The following CABLES1 variants were observed in gnomAD, a reference collection of about 807,000 sequenced individuals.
CABLES1 encodes Cdk5 and Abl enzyme substrate 1.
CABLES1 carries 36 observed loss-of-function variants against 57.8 expected under a neutral mutation model. The observed-to-expected ratio is 0.62, with a 90% confidence interval of 0.48 to 0.82. CABLES1 has a LOEUF of 0.82. Ranked by LOEUF, CABLES1 falls within the 40% of genes least tolerant of loss-of-function variation. The pLI is 0.00. For missense variants in CABLES1, 767 were observed against 836.6 expected (o/e 0.92, Z 1.03); for synonymous variants, 374 against 363.0 (o/e 1.03, Z -0.35).
chr18:23,204,225 G>A (rs796203859), intron 3 of CABLES1, among the ~76,000 whole-genome samples: 19 of 152,304 alleles, frequency 1.2e-4, no homozygotes, highest in African/African-American at 3.6e-4. Flanking sequence ...TCCAGTTCCC[G>A]GCGGTGTGCT....
intron 1 of CABLES1, among the ~76,000 whole-genome samples, chr18:23,152,174 G>GAATTT (rs974487225): frequency 2.9e-4 from 44 of 152,050 alleles, no homozygotes; most frequent in African/African-American, 8.7e-4. Context: ...TGAGGTGGGA[G>GAATTT]AATTGCCTGA....
At chr18:23,231,022 C>T (rs1431316248) in intron 4 of CABLES1, among the ~76,000 whole-genome samples, 2 of 152,186 alleles carry the variant, frequency 1.3e-5, no homozygotes, top group Non-Finnish European at 2.9e-5. Flanking sequence ...TCATGGACCC[C>T]ATGGTCATTT....
intron 4 of CABLES1, among the ~76,000 whole-genome samples, chr18:23,225,394 C>G (rs2047520537): frequency 6.6e-6 from 1 of 152,108 alleles, no homozygotes; most frequent in Non-Finnish European, 1.5e-5. Context: ...ACCTCCTAAA[C>G]AAAGCCACCA....
chr18:23,241,085 T>C (rs532020421), intron 7 of CABLES1, among the ~76,000 whole-genome samples: 2 of 152,342 alleles, frequency 1.3e-5, no homozygotes, highest in Admixed American at 6.5e-5. Context: ...TTCTCACTTC[T>C]GTCACCATAG....
chr18:23,258,205 T>C lies in CABLES1; in HGVS notation c.*838T>C, dbSNP rs1291476055. 1 of 152,546 alleles carries C rather than the reference T, an allele frequency of 6.6e-6. No homozygotes were observed. Among genetic ancestry groups the C allele is most frequent in the Non-Finnish European group, 1.5e-5 (1 of 68,054 alleles). 9.4% of individuals were successfully genotyped at this position (152,546 alleles called of 1,614,324 possible). A position where few individuals can be genotyped will look rare whatever the true frequency, so the allele number is the denominator to read the frequency against. ...CTGCCGTCTGCCACCCCGCCACGTGTATTTAACCCTCGCACTTTCTCCACT... is the reference window on the plus strand; with the variant it reads ...CTGCCGTCTGCCACCCCGCCACGTGCATTTAACCCTCGCACTTTCTCCACT... On this transcript the variant is annotated 3_prime_UTR_variant, in exon 10 of 10. Coordinates refer to ENST00000256925, the MANE Select transcript of CABLES1 (RefSeq NM_001100619.3).
chr18:23,222,084 AAAC>A, intron 4 of CABLES1, among the ~76,000 whole-genome samples: 2 of 152,248 alleles, frequency 1.3e-5, no homozygotes, highest in Admixed American at 1.3e-4. Context: ...GCCTAACTTA[AAAC>A]CTCCTTTGTG....
intron 3 of CABLES1, among the ~76,000 whole-genome samples, chr18:23,212,580 T>G (rs533875398): frequency 2.8e-4 from 43 of 152,252 alleles, no homozygotes; most frequent in African/African-American, 1.0e-3. Context: ...GATATTCAAG[T>G]GTTGCTGCTC....
chr18:23,236,099 G>C, intron 6 of CABLES1, 48 bp downstream of exon 6: 1 of 1,586,542 alleles, frequency 6.3e-7, no homozygotes, highest in Non-Finnish European at 8.6e-7. Flanking sequence ...GGAGGGAGGT[G>C]CCTCCATTTA....
intron 7 of CABLES1, among the ~76,000 whole-genome samples, chr18:23,243,242 G>A (rs2145101621): frequency 6.6e-6 from 1 of 152,050 alleles, no homozygotes; most frequent in South Asian, 2.1e-4. Flanking sequence ...TTCTGAGGAG[G>A]GGGCCTCTTT....
intron 7 of CABLES1, among the ~76,000 whole-genome samples, chr18:23,242,383 C>G (rs918536845): frequency 6.6e-6 from 1 of 152,148 alleles, no homozygotes; most frequent in Non-Finnish European, 1.5e-5. Context: ...AATGTTGAGC[C>G]ACCTGGCTAC....
At chr18:23,219,242 C>T (rs2047468299) in intron 4 of CABLES1, 2 of 453,994 alleles carry the variant, frequency 4.4e-6, no homozygotes, top group Non-Finnish European at 8.8e-6. Flanking sequence ...CGTGCCATCC[C>T]TCTGGTCCTC....
chr18:23,195,218 A>G (rs2047273616), intron 3 of CABLES1, among the ~76,000 whole-genome samples: 1 of 152,220 alleles, frequency 6.6e-6, no homozygotes. Flanking sequence ...AAGTCCATTC[A>G]TCTCAGCTCC....
At chr18:23,164,161 C>T (rs1389738600) in intron 1 of CABLES1, among the ~76,000 whole-genome samples, 1 of 152,244 alleles carries the variant, frequency 6.6e-6, no homozygotes, top group Non-Finnish European at 1.5e-5. Flanking sequence ...CAAAATATCA[C>T]TTTCCCCTGA....
At chr18:23,253,127 A>G in intron 8 of CABLES1, 61 bp downstream of exon 8, 1 of 928,060 alleles carries the variant, frequency 1.1e-6, no homozygotes. Context: ...CACACACCGT[A>G]AGCTTGTCAT....
chr18:23,172,299 C>T (rs2047088532), intron 1 of CABLES1, among the ~76,000 whole-genome samples: 1 of 152,148 alleles, frequency 6.6e-6, no homozygotes, highest in Non-Finnish European at 1.5e-5. Flanking sequence ...TCTGCTAACC[C>T]ATCCTCCATC....
At chr18:23,206,340 C>G (rs75104061) in intron 3 of CABLES1, among the ~76,000 whole-genome samples, 5,772 of 152,368 alleles carry the variant, frequency 0.038, 134 homozygotes, top group Middle Eastern at 0.071. Context: ...GCTTCTCCCC[C>G]ATGCCACCCT....
chr18:23,164,996 C>G (rs571318988), intron 1 of CABLES1, among the ~76,000 whole-genome samples: 28 of 152,276 alleles, frequency 1.8e-4, no homozygotes, highest in African/African-American at 5.8e-4. Context: ...TGGTCTCGAA[C>G]TCCTGAACTC....
chr18:23,221,308 T>C (rs1055241413), intron 4 of CABLES1, among the ~76,000 whole-genome samples: 15 of 152,222 alleles, frequency 9.9e-5, no homozygotes. Flanking sequence ...CTGCTAGATA[T>C]AATGAGATGC....
intron 7 of CABLES1, among the ~76,000 whole-genome samples, chr18:23,250,544 T>C (rs1304040770): frequency 6.6e-6 from 1 of 152,220 alleles, no homozygotes; most frequent in African/African-American, 2.4e-5. Context: ...AAATAGAGCC[T>C]TTCTTAAAAG....
Sources: allele counts gnomAD v4.1 joint callset (sites outside exome capture counted in the v4.1 genomes callset), GRCh38; gene constraint gnomAD v4.1.1; transcripts MANE v1.5; gene names NCBI Gene and HGNC (gene_info 2026-07-23, HGNC 2026-07-21).